LOXL2: variants seen among roughly 807,000 people sequenced by gnomAD.
LOXL2 encodes the protein lysyl oxidase homolog 2.
LOXL2 carries 70 observed loss-of-function variants against 93.0 expected under a neutral mutation model. That is an observed-to-expected ratio of 0.75 (90% CI 0.62 to 0.92). LOXL2 has a LOEUF of 0.92. Among genes scored for constraint, LOXL2 ranks in the 40% least tolerant of loss-of-function variants. The pLI is 0.00. For missense variants in LOXL2, 973 were observed against 1,054.9 expected (o/e 0.92, Z 1.08); for synonymous variants, 438 against 413.2 (o/e 1.06, Z -0.73).
At chr8:23,324,524 C>G (rs770446677) in intron 6 of LOXL2, among the ~76,000 whole-genome samples, 1 of 152,180 alleles carries the variant, frequency 6.6e-6, no homozygotes, top group Non-Finnish European at 1.5e-5. Context: ...CTGTGGACTT[C>G]TGGTTCCTTC....
chr8:23,386,718 G>T (rs1243354464), intron 1 of LOXL2, among the ~76,000 whole-genome samples: 1 of 152,086 alleles, frequency 6.6e-6, no homozygotes, highest in Non-Finnish European at 1.5e-5. Flanking sequence ...CTGCTCCAGT[G>T]AAGTCACCTC....
In LOXL2 at chr8:23,367,989, G is replaced by A; in HGVS notation, c.355+8C>T. On this transcript the variant is annotated splice_region_variant and intron_variant, in intron 2 of 13. Transcript: ENST00000389131. ...ACAGCACTCAGATCCAAAGCACAGA[G>A]CGTTTACCTTCTCCCTTGCCGTAGG... is the stretch of plus-strand genomic sequence containing the variant. The A allele has an allele frequency of 6.2e-7, 1 of 1,607,346 alleles. No individual in the cohort carries two copies. The highest frequency in any genetic ancestry group is 1.3e-5 in the African/African-American group (1 of 75,016).
chr8:23,394,361 A>G (rs952447030), intron 1 of LOXL2, among the ~76,000 whole-genome samples: 2 of 146,962 alleles, frequency 1.4e-5, no homozygotes, highest in Non-Finnish European at 3.0e-5. Context: ...CCACTGCACT[A>G]TAGCCTAGGT....
chr8:23,317,428 C>T (rs918476387), intron 8 of LOXL2, among the ~76,000 whole-genome samples: 8 of 152,104 alleles, frequency 5.3e-5, no homozygotes, highest in Non-Finnish European at 8.8e-5. Flanking sequence ...TTGCCCACTC[C>T]CCAGTCCTGA....
In LOXL2 at chr8:23,308,466, A is replaced by G. The variant is rs538453526; in HGVS notation, c.1880+1202T>C. Among the ~76,000 whole-genome samples, 300 of 152,310 alleles carry G rather than the reference A, an allele frequency of 2.0e-3. 1 individual carries two copies. The highest frequency in any genetic ancestry group is 7.0e-3 in the African/African-American group (292 of 41,564). ...CCAAGTGTGGAGAAGGGCAATGACT[A>G]GGCCACGCCTGTAGCCCCTCGGGGG... On this transcript the variant is annotated intron_variant, in intron 10 of 13. Transcript: ENST00000389131.
chr8:23,301,574 G>T (rs185502365), intron 12 of LOXL2, among the ~76,000 whole-genome samples: 237 of 152,334 alleles, frequency 1.6e-3, no homozygotes, highest in Non-Finnish European at 2.5e-3. Flanking sequence ...CTAAGTCACA[G>T]ATATTTGCAA....
Position 23,297,731 on chromosome 8 carries a change from G to C in LOXL2, c.*312C>G. 1 of 224,732 alleles carries C rather than the reference G, an allele frequency of 4.4e-6. No homozygotes were observed. The allele number at this position is 224,732 out of a possible 1,614,324, so 13.9% of individuals were successfully genotyped here. A position where few individuals can be genotyped will look rare whatever the true frequency, so the allele number is the denominator to read the frequency against. The stretch of plus-strand genomic sequence containing the variant: ...GTGGTGAGCTCGGTGGCTTGAATGG[G>C]ACAAGCTGATGACAACCTGTCTGTG... On this transcript the variant is annotated 3_prime_UTR_variant, in exon 14 of 14. Transcript: ENST00000389131.
At chr8:23,341,611 G>T in intron 3 of LOXL2, 1 of 294,210 alleles carries the variant, frequency 3.4e-6, no homozygotes, top group Non-Finnish European at 6.6e-6. Flanking sequence ...CAAAGTATGT[G>T]TGTATGTGCC....
chr8:23,353,178 G>T (rs528068920), intron 3 of LOXL2, among the ~76,000 whole-genome samples: 5 of 152,070 alleles, frequency 3.3e-5, no homozygotes, highest in South Asian at 2.1e-4. Flanking sequence ...ACTGAGTAGG[G>T]CATCTGGATT....
rs149640872 is a variant in LOXL2 at position 23,340,476 on chromosome 8, G to T, written c.743+516C>A. ...AATATTAACCTTAGCGATCATCACA[G>T]TATTGTCAGATTTAACTGGGATTGG... On this transcript the variant is annotated intron_variant, in intron 4 of 13. Coordinates refer to ENST00000389131, the MANE Select transcript of LOXL2 (RefSeq NM_002318.3). Among the ~76,000 whole-genome samples the T allele has an allele frequency of 1.1e-4, 17 of 152,326 alleles. 1 individual carries two copies. Among genetic ancestry groups the T allele is most frequent in the African/African-American group, 3.8e-4 (16 of 41,562 alleles).
At chr8:23,330,332 TCAAAACAAAACAAAA>T (rs5890099) in intron 5 of LOXL2, among the ~76,000 whole-genome samples, 9 of 150,204 alleles carry the variant, frequency 6.0e-5, no homozygotes, top group East Asian at 2.1e-4. Flanking sequence ...AGACTCCGTC[TCAAAACAAAACAAAA>T]CAAAACAAAA....
intron 9 of LOXL2, 86 bp from the exon 10 acceptor site, chr8:23,309,997 C>T (rs926626583): frequency 1.5e-6 from 2 of 1,359,214 alleles, no homozygotes; most frequent in Non-Finnish European, 1.9e-6. Context: ...GACAAACCCC[C>T]TCTCCTGCCT....
intron 1 of LOXL2, among the ~76,000 whole-genome samples, chr8:23,390,915 G>A (rs933063596): frequency 2.6e-5 from 4 of 152,174 alleles, no homozygotes; most frequent in African/African-American, 4.8e-5. Flanking sequence ...TGAGGCTGGG[G>A]AGGCCTCACA....
intron 1 of LOXL2, among the ~76,000 whole-genome samples, chr8:23,388,627 A>T (rs1336215927): frequency 1.4e-4 from 1 of 6,952 alleles, no homozygotes; most frequent in Non-Finnish European, 2.8e-4. Context: ...ATATACTCAC[A>T]CACACACACA....
At chr8:23,332,180 A>G (rs943392549) in intron 5 of LOXL2, among the ~76,000 whole-genome samples, 2 of 149,706 alleles carry the variant, frequency 1.3e-5, no homozygotes, top group Non-Finnish European at 3.0e-5. Flanking sequence ...ACTCTCTCAC[A>G]CACACACACA....
intron 3 of LOXL2, among the ~76,000 whole-genome samples, chr8:23,349,089 C>T (rs191487382): frequency 2.6e-5 from 4 of 152,206 alleles, no homozygotes; most frequent in African/African-American, 7.2e-5. Flanking sequence ...TTCACTCATG[C>T]GCCCATTAAG....
intron 9 of LOXL2, chr8:23,316,736 C>T (rs1399217321): frequency 1.8e-5 from 10 of 541,798 alleles, no homozygotes; most frequent in Non-Finnish European, 3.2e-5. Flanking sequence ...TGCAGCCCCT[C>T]CCTCCCGCTT....
At chr8:23,307,341 G>C (rs1208987176) in intron 10 of LOXL2, among the ~76,000 whole-genome samples, 1 of 152,142 alleles carries the variant, frequency 6.6e-6, no homozygotes, top group Non-Finnish European at 1.5e-5. Context: ...TGGACCAGGA[G>C]GGGGAGACCA....
intron 2 of LOXL2, chr8:23,363,920 G>C (rs1033544834): frequency 2.0e-5 from 3 of 152,210 alleles, no homozygotes; most frequent in African/African-American, 4.8e-5. Flanking sequence ...TGTCACTCAG[G>C]CTGGAGTGCA....
Sources: allele counts gnomAD v4.1 joint callset (sites outside exome capture counted in the v4.1 genomes callset), GRCh38; gene constraint gnomAD v4.1.1; transcripts MANE v1.5; gene names NCBI Gene and HGNC (gene_info 2026-07-23, HGNC 2026-07-21).